The following RPL6 variants were observed in gnomAD, a reference collection of about 807,000 sequenced individuals.
RPL6 encodes the protein ribosomal protein L6.
Under a neutral mutation model 32.1 loss-of-function variants are expected in RPL6, and 1 was observed. That is an observed-to-expected ratio of 0.03 (90% CI 0.01 to 0.15). The LOEUF is 0.15. Among genes scored for constraint, RPL6 ranks in the 10% least tolerant of loss-of-function variants. RPL6 has a pLI of 1.00. For missense variants in RPL6, 275 were observed against 354.6 expected (o/e 0.78, Z 1.80); for synonymous variants, 126 against 131.6 (o/e 0.96, Z 0.29).
chr12:112,415,544 C>G (rs1016425914), intron 1 of RPL6, among the ~76,000 whole-genome samples: 2 of 152,140 alleles, frequency 1.3e-5, no homozygotes, highest in African/African-American at 2.4e-5. Flanking sequence ...GAAACCCTGT[C>G]TCTACTAAAG....
intron 3 of RPL6, 172 bp downstream of exon 3, chr12:112,408,068 A>T: frequency 1.6e-6 from 1 of 608,644 alleles, no homozygotes; most frequent in African/African-American, 1.8e-5. Flanking sequence ...GAGTAATTTA[A>T]ATTACTTAAG....
intron 6 of RPL6, 102 bp from the exon 7 acceptor site, chr12:112,405,478 T>C (rs926596835): frequency 4.2e-6 from 5 of 1,177,004 alleles, no homozygotes; most frequent in Non-Finnish European, 6.1e-6. Context: ...CCCAAGAATA[T>C]TTAGAAAACA....
chr12:112,406,673 C>T, intron 4 of RPL6, 74 bp downstream of exon 4: 1 of 1,569,992 alleles, frequency 6.4e-7, no homozygotes, highest in Non-Finnish European at 8.7e-7. Flanking sequence ...AAAAGTACAC[C>T]TAGCGTGCAA....
intron 5 of RPL6, 84 bp downstream of exon 5, chr12:112,406,210 T>C (rs1010904796): frequency 1.5e-6 from 2 of 1,299,548 alleles, no homozygotes; most frequent in South Asian, 1.2e-5. Context: ...GTCTACCATG[T>C]AGGCAGTAGC....
chr12:112,407,721 A>G (rs929376097), intron 3 of RPL6: 3 of 157,150 alleles, frequency 1.9e-5, no homozygotes, highest in African/African-American at 7.2e-5. Flanking sequence ...CTCCATAAAA[A>G]CTCTTTGAGG....
At position 112,405,394 on chromosome 12, in the gene RPL6, C is replaced by G. The variant is rs1443071357; in HGVS notation, c.715-18G>C. 34 of 1,610,070 alleles carry G rather than the reference C, an allele frequency of 2.1e-5. No homozygotes were observed. Among genetic ancestry groups the G allele is most frequent in the Non-Finnish European group, 2.7e-5 (32 of 1,179,116 alleles). On this transcript the variant is annotated intron_variant, in intron 6 of 6. Transcript: ENST00000202773. ...TCATATTTCTAAATAAAGAGAAAATCAAACATTTTAAAACAGGCACATACC... is the reference window on the plus strand; with the variant it reads ...TCATATTTCTAAATAAAGAGAAAATGAAACATTTTAAAACAGGCACATACC...
chr12:112,408,037 G>A (rs2037228709), intron 3 of RPL6: 3 of 578,668 alleles, frequency 5.2e-6, no homozygotes, highest in Non-Finnish European at 6.1e-6. Context: ...CATATTATAT[G>A]CAAAGGAACA....
chr12:112,405,663 T>C (rs1594101986), intron 6 of RPL6, 190 bp downstream of exon 6: 1 of 631,328 alleles, frequency 1.6e-6, no homozygotes, highest in Admixed American at 3.3e-5. Context: ...CACCAAACTT[T>C]AGGATTCTAA....
chr12:112,410,137 A>C (rs1363946117), upstream of RPL6, among the ~76,000 whole-genome samples: 1 of 151,934 alleles, frequency 6.6e-6, no homozygotes, highest in Non-Finnish European at 1.5e-5. Context: ...CAAAACAATA[A>C]CAACAACAAA....
upstream of RPL6, chr12:112,410,392 G>GA (rs1449619185): frequency 4.2e-6 from 1 of 238,878 alleles, no homozygotes; most frequent in Non-Finnish European, 8.8e-6. Flanking sequence ...CTGGCCTACA[G>GA]AATGAGACTC....
At position 112,408,540 on chromosome 12, in the gene RPL6, C is replaced by T. The variant is rs755126800; in HGVS notation, c.117G>A (p.Lys39=). The part of the protein sequence containing the change: ...KGNLKAKKPK[K]GKPHCSRNPV... ...GGTTGCGGCTGCAATGGGGCTTCCC[C>T]TTCTTGGGCTTTTTAGCTTTGAGGT... Residue 39 remains lysine, a synonymous_variant, in exon 2 of 7, where the codon AAG becomes AAA. Coordinates refer to ENST00000202773, the MANE Select transcript of RPL6 (RefSeq NM_000970.6). The T allele has an allele frequency of 7.5e-6, 12 of 1,610,716 alleles. No homozygotes were observed. In the Admixed American group the frequency reaches 2.0e-4, roughly 27 times the overall value.
chr12:112,408,386 T>C (rs898900804), intron 2 of RPL6, 34 bp downstream of exon 2: 2 of 1,613,566 alleles, frequency 1.2e-6, no homozygotes, highest in Non-Finnish European at 1.7e-6. Flanking sequence ...CAATTAAGGT[T>C]AAGACATAAT....
upstream of RPL6, among the ~76,000 whole-genome samples, chr12:112,414,687 AG>A (rs1373730080): frequency 3.3e-5 from 5 of 152,126 alleles, no homozygotes; most frequent in South Asian, 2.1e-4. Context: ...GTGGATCACG[AG>A]GTCAGGAGAT....
chr12:112,411,478 C>T (rs1342602061), upstream of RPL6: 1 of 152,176 alleles, frequency 6.6e-6, no homozygotes, highest in African/African-American at 2.4e-5. Context: ...ATGAACACTG[C>T]CCTTTTTTTT....
intron 1 of RPL6, among the ~76,000 whole-genome samples, chr12:112,415,395 C>T (rs1042856430): frequency 6.6e-6 from 1 of 152,088 alleles, no homozygotes; most frequent in Non-Finnish European, 1.5e-5. Flanking sequence ...ATAGCAAGAC[C>T]TTGGGTCTAA....
At chr12:112,405,419 C>A in intron 6 of RPL6, 43 bp from the exon 7 acceptor site, 1 of 1,592,900 alleles carries the variant, frequency 6.3e-7, no homozygotes. Flanking sequence ...AGGCACATAC[C>A]AAATTACTTG....
At chr12:112,405,753 AT>A (rs2037142398) in intron 6 of RPL6, 99 bp downstream of exon 6, 1 of 992,102 alleles carries the variant, frequency 1.0e-6, no homozygotes, top group Non-Finnish European at 1.5e-6. Flanking sequence ...ATTCCTCATT[AT>A]TTAACCTTTC....
chr12:112,410,266 G>A, upstream of RPL6: 1 of 252,618 alleles, frequency 4.0e-6, no homozygotes, highest in East Asian at 9.9e-5. Flanking sequence ...CTGCAGTGCA[G>A]TGAACTCTAA....
chr12:112,406,534 G>C, intron 4 of RPL6, 192 bp from the exon 5 acceptor site: 1 of 816,856 alleles, frequency 1.2e-6, no homozygotes. Context: ...TTGAGTAAAT[G>C]AACATGTGTA....
Sources: allele counts gnomAD v4.1 joint callset (sites outside exome capture counted in the v4.1 genomes callset), GRCh38; gene constraint gnomAD v4.1.1; transcripts MANE v1.5; gene names NCBI Gene and HGNC (gene_info 2026-07-23, HGNC 2026-07-21).